Variants in TMPRSS7 observed in about 807,000 individuals in gnomAD.
TMPRSS7 encodes transmembrane protease serine 7.
A neutral mutation model predicts 95.6 loss-of-function variants in TMPRSS7; 81 were observed. The ratio of observed to expected loss-of-function variants is 0.85; its 90% CI spans 0.71 to 1.02. The LOEUF is 1.02. TMPRSS7 is among the 50% of genes least tolerant of loss of function. The pLI, the probability that TMPRSS7 is intolerant of heterozygous loss-of-function variation, is 0.00. For synonymous variants in TMPRSS7, 364 were observed against 337.8 expected, an observed-to-expected ratio of 1.08 and a Z score of -0.85; for missense variants, 945 against 955.2, an observed-to-expected ratio of 0.99 and a Z score of 0.14.
At chr3:112,039,167 T>A (rs1308130675) in intron 2 of TMPRSS7, among the ~76,000 whole-genome samples, 1 of 152,246 alleles carries the variant, frequency 6.6e-6, no homozygotes, top group Non-Finnish European at 1.5e-5. Flanking sequence ...TTCTCACTTA[T>A]GCAACACTGC....
intron 7 of TMPRSS7, among the ~76,000 whole-genome samples, chr3:112,048,350 T>C (rs1339448931): frequency 1.3e-5 from 2 of 152,230 alleles, no homozygotes; most frequent in Non-Finnish European, 2.9e-5. Context: ...TAAATTTTTT[T>C]TCTCGTTACA....
exon 13 of TMPRSS7, chr3:112,066,478 C>T (rs373447018): frequency 1.1e-5 from 18 of 1,613,714 alleles, no homozygotes; most frequent in Non-Finnish European, 1.4e-5. Flanking sequence ...TGAGAATGGC[C>T]GGGATGAGCA....
intron 13 of TMPRSS7, among the ~76,000 whole-genome samples, chr3:112,072,132 G>T (rs902584206): frequency 1.3e-5 from 2 of 152,180 alleles, no homozygotes; most frequent in African/African-American, 4.8e-5. Flanking sequence ...TGGGGTTTTG[G>T]TGTAGATGTC....
intron 12 of TMPRSS7, 106 bp from the exon 13 acceptor site, chr3:112,066,286 T>C: frequency 1.1e-6 from 1 of 885,990 alleles, no homozygotes; most frequent in Non-Finnish European, 1.8e-6. Flanking sequence ...TTTTGTTTTA[T>C]AGGTCATCCT....
At chr3:112,076,322 C>G (rs2073709852) in intron 15 of TMPRSS7, among the ~76,000 whole-genome samples, 1 of 152,148 alleles carries the variant, frequency 6.6e-6, no homozygotes, top group African/African-American at 2.4e-5. Flanking sequence ...TCTGGAAGGA[C>G]TGATGGGAAT....
rs114075853 is a variant in TMPRSS7 at position 112,079,958 on chromosome 3, C to T, written c.2362-956C>T. ...TAAGGGTACTCTATTTTGGGTGCTTCCCATAGCTAGTCGGTTACACAGCCC... is the reference window on the plus strand; with the variant it reads ...TAAGGGTACTCTATTTTGGGTGCTTTCCATAGCTAGTCGGTTACACAGCCC... On this transcript the variant is annotated intron_variant, in intron 17 of 17. Transcript: ENST00000452346. Among the ~76,000 whole-genome samples the T allele has an allele frequency of 6.2e-3, 943 of 152,218 alleles. 5 individuals are homozygous for T. Among genetic ancestry groups the T allele is most frequent in the African/African-American group, 0.022 (918 of 41,524 alleles).
rs1374015755 is a variant in TMPRSS7 at position 112,075,497 on chromosome 3, G to A, written c.1955+5G>A. 6.9e-7 allele frequency: 1 copy of A among 1,442,380 alleles called. No homozygotes were observed. Among genetic ancestry groups the A allele is most frequent in the Non-Finnish European group, 9.2e-7 (1 of 1,092,364 alleles). The allele number at this position is 1,442,380 out of a possible 1,614,324, so 89.3% of individuals were successfully genotyped here. A position where few individuals can be genotyped will look rare whatever the true frequency, so the allele number is the denominator to read the frequency against. On this transcript the variant is annotated splice_donor_5th_base_variant and intron_variant, in intron 15 of 17. Coordinates refer to ENST00000452346, the Ensembl canonical transcript of TMPRSS7. ...CCACTGTTTTCATGGAAACAGGTAG[G>A]GCCTCACGGTCCTTACTTTCAAGTG...
intron 3 of TMPRSS7, among the ~76,000 whole-genome samples, chr3:112,042,718 C>A (rs1440653179): frequency 6.6e-6 from 1 of 152,166 alleles, no homozygotes; most frequent in Admixed American, 6.5e-5. Flanking sequence ...TAGCAAATCC[C>A]TATTTATTGG....
chr3:112,052,687 C>T (rs2073378238), intron 9 of TMPRSS7, among the ~76,000 whole-genome samples: 1 of 152,132 alleles, frequency 6.6e-6, no homozygotes, highest in Admixed American at 6.5e-5. Context: ...TTCAGTCTCT[C>T]CACAAAGCAG....
chr3:112,044,745 T>C (rs1576099128), intron 4 of TMPRSS7, among the ~76,000 whole-genome samples: 1 of 151,876 alleles, frequency 6.6e-6, no homozygotes, highest in Non-Finnish European at 1.5e-5. Flanking sequence ...ATATATTATA[T>C]CCCACCCCCA....
intron 13 of TMPRSS7, among the ~76,000 whole-genome samples, chr3:112,071,743 A>C (rs1228520582): frequency 1.3e-5 from 2 of 152,172 alleles, no homozygotes; most frequent in Non-Finnish European, 2.9e-5. Flanking sequence ...GGAATCAGCT[A>C]CTGAAGCTTG....
rs181431423 is a variant in TMPRSS7, at chr3:112,069,353, G to A, written c.1666+2851G>A. Among the ~76,000 whole-genome samples, 454 of 152,326 alleles carry A rather than the reference G, an allele frequency of 3.0e-3. 3 individuals are homozygous for A. Among genetic ancestry groups the A allele is most frequent in the African/African-American group, 4.5e-3 (185 of 41,568 alleles). ...TGCTGGCCTCATAAAATAAGTTAGG[G>A]AGGATTCCCTCTTTTTCTATTGATT... On this transcript the variant is annotated intron_variant, in intron 13 of 17. Transcript: ENST00000452346.
intron 3 of TMPRSS7, chr3:112,043,078 C>A (rs1041833164): frequency 2.2e-6 from 1 of 455,850 alleles, no homozygotes; most frequent in African/African-American, 2.0e-5. Context: ...CGTCACTAAA[C>A]CCTTTGCCTC....
intron 13 of TMPRSS7, among the ~76,000 whole-genome samples, chr3:112,070,313 G>T (rs1006059452): frequency 2.2e-4 from 33 of 152,178 alleles, no homozygotes; most frequent in African/African-American, 7.7e-4. Flanking sequence ...CTGTTGATTT[G>T]GGGTAGAGAG....
At chr3:112,071,709 C>G (rs948481669) in intron 13 of TMPRSS7, among the ~76,000 whole-genome samples, 1 of 152,186 alleles carries the variant, frequency 6.6e-6, no homozygotes, top group Non-Finnish European at 1.5e-5. Context: ...TCTTCAGTCA[C>G]TGATACCCTT....
Position 112,063,550 on chromosome 3 carries a change from C to T in TMPRSS7, c.1473C>T (p.Cys491=), listed in dbSNP as rs540447898. ...CCTGCCCTGTTGGATCTTTTAGATG[C>T]TCCTCCGGTTTATGTGTCCCTCAGG... Residue 491 remains cysteine, a synonymous_variant, in exon 12 of 18, where the codon TGC becomes TGT. Coordinates refer to ENST00000452346, the Ensembl canonical transcript of TMPRSS7. The T allele has an allele frequency of 8.1e-6, 13 of 1,613,986 alleles. No homozygotes were observed. In the East Asian group the frequency reaches 2.2e-4, roughly 28 times the overall value.
At chr3:112,075,491 A>T in exon 15 of TMPRSS7, 5 of 1,460,640 alleles carry the variant, frequency 3.4e-6, no homozygotes, top group Non-Finnish European at 4.5e-6. Context: ...TCATGGAAAC[A>T]GGTAGGGCCT....
intron 13 of TMPRSS7, among the ~76,000 whole-genome samples, 187 bp downstream of exon 13, chr3:112,066,689 G>T (rs1377882052): frequency 6.6e-6 from 1 of 152,110 alleles, no homozygotes. Flanking sequence ...GACAAATAGG[G>T]ACAGTTGGTC....
chr3:112,045,946 G>A lies in TMPRSS7; in HGVS notation c.691+3G>A. 1.3e-6 allele frequency: 2 copies of A among 1,544,950 alleles called. No individual in the cohort carries two copies. Among genetic ancestry groups the A allele is most frequent in the South Asian group, 1.2e-5 (1 of 82,818 alleles). The stretch of plus-strand genomic sequence containing the variant: ...CATGGACTCTGTGGTACTAAATGGT[G>A]ATTGTTGGGTAATTTTCCTTTAGCA... On this transcript the variant is annotated splice_donor_region_variant and intron_variant, in intron 5 of 17. Coordinates refer to ENST00000452346, the Ensembl canonical transcript of TMPRSS7.
Sources: gnomAD v4.1 joint callset for allele counts (sites outside exome capture counted in the v4.1 genomes callset) on GRCh38, gnomAD v4.1.1 for gene constraint, MANE v1.5 for transcripts, NCBI Gene and HGNC (gene_info 2026-07-23, HGNC 2026-07-21) for gene names.